The following SLC25A18 variants were observed in gnomAD, a reference collection of about 807,000 sequenced individuals.
SLC25A18 encodes the protein solute carrier family 25 member 18.
Under a neutral mutation model 31.1 loss-of-function variants are expected in SLC25A18, and 24 were observed. That is an observed-to-expected ratio of 0.77 (90% confidence interval 0.56 to 1.08). SLC25A18 has a LOEUF of 1.08. SLC25A18 is among the 50% of genes least tolerant of loss of function. The pLI is 0.00. For missense variants in SLC25A18, 371 were observed against 418.5 expected (o/e 0.89, Z 0.99); for synonymous variants, 173 against 161.9 (o/e 1.07, Z -0.52).
intron 5 of SLC25A18, chr22:17,581,745 G>T (rs1032759027): frequency 6.3e-6 from 2 of 317,724 alleles, no homozygotes; most frequent in South Asian, 1.1e-4. Flanking sequence ...AGGAGTTCTG[G>T]GTGGCTCCTC....
At chr22:17,570,074 C>A in intron 2 of SLC25A18, 88 bp downstream of exon 2, 1 of 881,236 alleles carries the variant, frequency 1.1e-6, no homozygotes, top group Non-Finnish European at 1.4e-6. Context: ...AGGGGAAGAG[C>A]AGCCAGTGGG....
chr22:17,568,313 G>A (rs932907776), intron 1 of SLC25A18, among the ~76,000 whole-genome samples: 2 of 149,522 alleles, frequency 1.3e-5, no homozygotes, highest in Admixed American at 6.7e-5. Context: ...CTTGCAGTGA[G>A]CCGAGATGGC....
chr22:17,580,739 C>T, intron 3 of SLC25A18: 1 of 1,153,884 alleles, frequency 8.7e-7, no homozygotes, highest in African/African-American at 1.6e-5. Flanking sequence ...GCCGGGGAAG[C>T]TTGGGGCAGA....
intron 2 of SLC25A18, among the ~76,000 whole-genome samples, chr22:17,575,509 C>T (rs939319104): frequency 4.0e-5 from 6 of 151,352 alleles, no homozygotes; most frequent in Non-Finnish European, 7.4e-5. Flanking sequence ...GCTGATGGGC[C>T]CCAAGTTTTA....
rs773550520 is a variant in SLC25A18 at position 17,581,136 on chromosome 22, T to G, written c.120T>G (p.His40Gln). 37 of 1,597,626 alleles carry G rather than the reference T, an allele frequency of 2.3e-5. No homozygotes were observed. In the South Asian group the frequency reaches 4.0e-4, roughly 17 times the overall value. The change falls in exon 4 of 11, where the codon CAT (histidine) becomes CAG (glutamine). Residue 40 changes from histidine (H) to glutamine (Q), a missense_variant. By Grantham distance (24) the His-to-Gln change is conservative (BLOSUM62 0). Transcript: ENST00000327451. ...DLAKTRLQNQ[H>Q]GKAMYKGMID... The stretch of plus-strand genomic sequence containing the variant: ...CCAAGACTCGCCTGCAGAACCAGCA[T>G]GGGAAAGCCATGTACAAAGGAATGT...
chr22:17,563,709 T>G lies in SLC25A18; in HGVS notation c.-268T>G. On this transcript the variant is annotated 5_prime_UTR_variant, in exon 1 of 11. Transcript: ENST00000327451. ...AACGTCGACTCGCTTGCAGGCAAGT[T>G]GTCAGTAAGTATTTATTAAATACCC... is the stretch of plus-strand genomic sequence containing the variant. 1.0e-6 allele frequency: 1 copy of G among 985,380 alleles called. No individual in the cohort carries two copies. The highest frequency in any genetic ancestry group is 1.1e-4 in the East Asian group (1 of 8,820). The allele number at this position is 985,380 out of a possible 1,614,324, so 61.0% of individuals were successfully genotyped here. A position where few individuals can be genotyped will look rare whatever the true frequency, so the allele number is the denominator to read the frequency against.
chr22:17,590,270 C>T lies in SLC25A18; in HGVS notation c.*34C>T. The T allele has an allele frequency of 6.2e-7, 1 of 1,613,614 alleles. No individual in the cohort carries two copies. The highest frequency in any genetic ancestry group is 1.7e-5 in the Admixed American group (1 of 59,996). On this transcript the variant is annotated 3_prime_UTR_variant, in exon 11 of 11. Transcript: ENST00000327451. Reference sequence around the variant, plus strand: ...GGAGGTCAAGTCCCTGCGCTTGCCGCCCTCTCTCTAGCTGTTTCACTTAGC... The same window carrying T: ...GGAGGTCAAGTCCCTGCGCTTGCCGTCCTCTCTCTAGCTGTTTCACTTAGC...
intron 8 of SLC25A18, 28 bp from the exon 9 acceptor site, chr22:17,587,897 C>T: frequency 6.2e-7 from 1 of 1,613,734 alleles, no homozygotes; most frequent in South Asian, 1.1e-5. Context: ...CAGCTCGGAG[C>T]TCAGTGTTTC....
At chr22:17,585,728 A>G (rs949008253) in intron 7 of SLC25A18, among the ~76,000 whole-genome samples, 1 of 150,198 alleles carries the variant, frequency 6.7e-6, no homozygotes, top group African/African-American at 2.5e-5. Flanking sequence ...GGCTCACTAC[A>G]ACCTCTGCCT....
At chr22:17,566,033 A>G (rs915970893) in intron 1 of SLC25A18, among the ~76,000 whole-genome samples, 2 of 152,132 alleles carry the variant, frequency 1.3e-5, no homozygotes, top group Admixed American at 6.5e-5. Flanking sequence ...ACTGTCTTCC[A>G]CCATGGCTGC....
chr22:17,583,343 C>G (rs2057432702), intron 6 of SLC25A18, 73 bp from the exon 7 acceptor site: 3 of 1,589,820 alleles, frequency 1.9e-6, no homozygotes, highest in Non-Finnish European at 1.7e-6. Context: ...AAGTCCCCCT[C>G]TCACAAGAGG....
At chr22:17,566,374 A>G (rs1317256508) in intron 1 of SLC25A18, among the ~76,000 whole-genome samples, 4 of 150,012 alleles carry the variant, frequency 2.7e-5, no homozygotes, top group Non-Finnish European at 5.9e-5. Flanking sequence ...CTTCACAGAA[A>G]CCATTCACAT....
chr22:17,584,446 G>GGAGAGAGAGA (rs60872688), intron 7 of SLC25A18, among the ~76,000 whole-genome samples: 11 of 116,936 alleles, frequency 9.4e-5, no homozygotes, highest in African/African-American at 3.8e-4. Flanking sequence ...AAGGAAGGAA[G>GGAGAGAGAGA]GAGAGAGAGA....
intron 2 of SLC25A18, among the ~76,000 whole-genome samples, chr22:17,577,182 C>T (rs1201041860): frequency 2.6e-5 from 4 of 152,172 alleles, no homozygotes; most frequent in Admixed American, 2.6e-4. Context: ...ACCACCACAC[C>T]CGGCCAATTT....
intron 4 of SLC25A18, 47 bp from the exon 5 acceptor site, chr22:17,581,311 T>C (rs1354352621): frequency 1.2e-6 from 2 of 1,611,520 alleles, no homozygotes; most frequent in Non-Finnish European, 1.7e-6. Flanking sequence ...TGGAGGCGGC[T>C]GGGAGGCCCG....
Position 17,569,992 on chromosome 22 carries a change from T to C in SLC25A18, c.-201+6T>C, listed in dbSNP as rs2057044321. On this transcript the variant is annotated splice_donor_region_variant and intron_variant, in intron 2 of 10. Transcript: ENST00000327451. ...GAGGTTCTTACCGAAAGCAGGTAAG[T>C]GTCTTGTCTGTCTGCATCAAGCTCA... 1 of 985,308 alleles carries C rather than the reference T, an allele frequency of 1.0e-6. No homozygotes were observed. The highest frequency in any genetic ancestry group is 1.1e-4 in the East Asian group (1 of 8,832). 61.0% of individuals were successfully genotyped at this position (985,308 alleles called of 1,614,324 possible). A position where few individuals can be genotyped will look rare whatever the true frequency, so the allele number is the denominator to read the frequency against.
In SLC25A18 at chr22:17,584,781, CAAAAAAA is replaced by C. The variant is rs66948770; in HGVS notation, c.409+1268_409+1274del. Reference sequence around the variant, plus strand: ...GGAGGACAAAAGCGAGAATTCATCTCAAAAAAAAAAAAAAAAAAAAAAAAAAAGAAAT... The same window carrying C: ...GGAGGACAAAAGCGAGAATTCATCTCAAAAAAAAAAAAAAAAAAAAGAAAT... On this transcript the variant is annotated intron_variant, in intron 7 of 10. Transcript: ENST00000327451. Among the ~76,000 whole-genome samples the C allele has an allele frequency of 0.013, 258 of 20,044 alleles. 2 individuals are homozygous for C. In the Admixed American group the frequency reaches 0.15, roughly 11 times the overall value. The allele number at this position is 20,044 out of a possible 152,430, so 13.1% of individuals were successfully genotyped here. A position where few individuals can be genotyped will look rare whatever the true frequency, so the allele number is the denominator to read the frequency against.
At chr22:17,583,685 T>C in intron 7 of SLC25A18, 151 bp downstream of exon 7, 1 of 1,087,962 alleles carries the variant, frequency 9.2e-7, no homozygotes, top group Non-Finnish European at 1.3e-6. Context: ...GGCTCATGCC[T>C]GTAATCCCAG....
At chr22:17,590,023 G>C (rs2057674332) in intron 10 of SLC25A18, 72 bp from the exon 11 acceptor site, 1 of 1,588,064 alleles carries the variant, frequency 6.3e-7, no homozygotes, top group Non-Finnish European at 8.6e-7. Context: ...TGCACAAATG[G>C]AGAGGCTGCC....
Sources: allele counts gnomAD v4.1 joint callset (sites outside exome capture counted in the v4.1 genomes callset), GRCh38; gene constraint gnomAD v4.1.1; transcripts MANE v1.5; gene names NCBI Gene and HGNC (gene_info 2026-07-23, HGNC 2026-07-21).